PIK3CA: variants seen among roughly 807,000 people sequenced by gnomAD.
The protein encoded by PIK3CA is phosphatidylinositol-4,5-bisphosphate 3-kinase catalytic subunit alpha.
In PIK3CA, 27 loss-of-function variants were observed where a neutral mutation model predicts 138.2. The ratio of observed to expected loss-of-function variants is 0.20; its 90% CI spans 0.14 to 0.27. The LOEUF (loss-of-function observed/expected upper bound fraction) is 0.27. Ranked by LOEUF, PIK3CA falls within the 10% of genes least tolerant of loss-of-function variation. The pLI, the probability that PIK3CA is intolerant of heterozygous loss-of-function variation, is 1.00. For missense variants in PIK3CA, 544 were observed against 1,277.4 expected (o/e 0.43, Z 8.75); for synonymous variants, 358 against 413.2 (o/e 0.87, Z 1.62).
chr3:179,219,116 T>C lies in PIK3CA; in HGVS notation c.1665-80T>C. ...AGAAGTTTGGGACTTCTTAAGAAGA[T>C]TCATATGGAGAAGTTAGACATGTCA... On this transcript the variant is annotated intron_variant, in intron 10 of 20. Coordinates refer to ENST00000263967, the MANE Select transcript of PIK3CA (RefSeq NM_006218.4). The surrounding 1 kb of genome is among the most constrained non-coding windows in gnomAD (Gnocchi z 4.2). The C allele has an allele frequency of 2.6e-6, 2 of 780,990 alleles. No homozygotes were observed. The highest frequency in any genetic ancestry group is 4.3e-6 in the Non-Finnish European group (2 of 461,314). 48.4% of individuals were successfully genotyped at this position (780,990 alleles called of 1,614,324 possible).
intron 6 of PIK3CA, among the ~76,000 whole-genome samples, chr3:179,207,491 A>T (rs1039877880): frequency 1.3e-5 from 2 of 151,978 alleles, no homozygotes; most frequent in Admixed American, 1.3e-4. Flanking sequence ...ACTTCTAAAG[A>T]TTTAGGAATA....
chr3:179,150,255 C>T (rs140501532), intron 1 of PIK3CA, among the ~76,000 whole-genome samples: 1 of 149,606 alleles, frequency 6.7e-6, no homozygotes, highest in African/African-American at 2.4e-5. Flanking sequence ...AATAAAACTT[C>T]ATAGCTTTTT....
At chr3:179,213,408 A>G (rs552128221) in intron 9 of PIK3CA, among the ~76,000 whole-genome samples, 7 of 152,258 alleles carry the variant, frequency 4.6e-5, no homozygotes, top group East Asian at 1.9e-4. Flanking sequence ...ATATTGCTCA[A>G]AAATGCTGAT....
chr3:179,231,434 C>T (rs780421582), intron 20 of PIK3CA, among the ~76,000 whole-genome samples: 2 of 152,092 alleles, frequency 1.3e-5, no homozygotes, highest in Non-Finnish European at 2.9e-5. Flanking sequence ...TAAGCATTCT[C>T]ATTTCACCAC....
At position 179,155,694 on chromosome 3, in the gene PIK3CA, T is replaced by C. The variant is rs149894861; in HGVS notation, c.-77+7091T>C. On this transcript the variant is annotated intron_variant, in intron 1 of 20. Transcript: ENST00000263967. The stretch of plus-strand genomic sequence containing the variant: ...TTTATATAAGGGACTTGAACCTCTA[T>C]GGATTCTGGTATCCACAGGGGTCCT... Among the ~76,000 whole-genome samples, 503 of 152,366 alleles carry C rather than the reference T, an allele frequency of 3.3e-3. 7 individuals are homozygous for C. Among genetic ancestry groups the C allele is most frequent in the East Asian group, 0.029 (149 of 5,194 alleles).
intron 15 of PIK3CA, 131 bp from the exon 16 acceptor site, chr3:179,224,569 A>G (rs890851519): frequency 1.9e-6 from 1 of 538,778 alleles, no homozygotes; most frequent in Non-Finnish European, 3.0e-6. Context: ...TCCTAAATAA[A>G]AATTGAGGTG....
At chr3:179,191,662 G>T (rs1576928668) in intron 1 of PIK3CA, among the ~76,000 whole-genome samples, 2 of 152,246 alleles carry the variant, frequency 1.3e-5, no homozygotes, top group East Asian at 3.9e-4. Flanking sequence ...TTGAGATGGA[G>T]TTTCGCTCTT....
intron 1 of PIK3CA, among the ~76,000 whole-genome samples, chr3:179,170,102 C>T (rs1723522434): frequency 1.6e-5 from 2 of 126,782 alleles, no homozygotes; most frequent in South Asian, 5.2e-4. Context: ...ACACACACGA[C>T]CTTAGTAAAA....
chr3:179,148,151 T>TA (rs1235253125), upstream of PIK3CA: 1 of 149,270 alleles, frequency 6.7e-6, no homozygotes, highest in African/African-American at 2.5e-5. Flanking sequence ...CCTCAGCTCT[T>TA]ACCCTCTTCT....
intron 17 of PIK3CA, 67 bp from the exon 18 acceptor site, chr3:179,229,205 G>A (rs2108422220): frequency 2.4e-6 from 3 of 1,238,942 alleles, no homozygotes; most frequent in Non-Finnish European, 3.5e-6. Context: ...TCATGTTTTA[G>A]CCTGTTAAAA....
At chr3:179,189,635 G>A (rs1223330345) in intron 1 of PIK3CA, among the ~76,000 whole-genome samples, 1 of 151,598 alleles carries the variant, frequency 6.6e-6, no homozygotes, top group Non-Finnish European at 1.5e-5. Flanking sequence ...CCATTCATGG[G>A]CCTCATATTA....
intron 6 of PIK3CA, 53 bp from the exon 7 acceptor site, chr3:179,209,542 C>A: frequency 9.2e-7 from 1 of 1,084,484 alleles, no homozygotes; most frequent in Non-Finnish European, 1.4e-6. Flanking sequence ...CATTTATATA[C>A]TTTGATGAAG....
intron 9 of PIK3CA, among the ~76,000 whole-genome samples, chr3:179,216,614 A>G (rs898229776): frequency 6.6e-6 from 1 of 152,184 alleles, no homozygotes; most frequent in African/African-American, 2.4e-5. Flanking sequence ...TTCCTTCAAC[A>G]GTTATGAGCC....
chr3:179,186,386 T>G (rs189731476), intron 1 of PIK3CA, among the ~76,000 whole-genome samples: 6 of 152,332 alleles, frequency 3.9e-5, no homozygotes, highest in Non-Finnish European at 8.8e-5. Context: ...CAGAATGGTG[T>G]TAGCTTCATT....
intron 9 of PIK3CA, among the ~76,000 whole-genome samples, chr3:179,217,002 A>C (rs1431833610): frequency 6.6e-6 from 1 of 152,168 alleles, no homozygotes; most frequent in Non-Finnish European, 1.5e-5. Flanking sequence ...CTATCAATAA[A>C]AATAAAATCC....
chr3:179,179,734 A>G (rs1209758327), intron 1 of PIK3CA, among the ~76,000 whole-genome samples: 1 of 152,216 alleles, frequency 6.6e-6, no homozygotes, highest in Non-Finnish European at 1.5e-5. Context: ...TTTGGATAGG[A>G]AAAACATCTT....
At chr3:179,161,799 A>G (rs1723288683) in intron 1 of PIK3CA, among the ~76,000 whole-genome samples, 1 of 152,218 alleles carries the variant, frequency 6.6e-6, no homozygotes, top group South Asian at 2.1e-4. Flanking sequence ...ATACTGTTCT[A>G]ATATGACTCA....
intron 1 of PIK3CA, among the ~76,000 whole-genome samples, chr3:179,167,590 CCT>C (rs954359654): frequency 6.6e-6 from 1 of 151,966 alleles, no homozygotes; most frequent in African/African-American, 2.4e-5. Context: ...ATATTTAAAT[CCT>C]CTTTCTTTTT....
intron 7 of PIK3CA, 42 bp downstream of exon 7, chr3:179,209,742 A>C: frequency 8.9e-7 from 1 of 1,118,960 alleles, no homozygotes; most frequent in South Asian, 1.5e-5. Flanking sequence ...ACCTTTAAAA[A>C]CTCCTGATTA....
Sources: gnomAD v4.1 joint callset for allele counts (sites outside exome capture counted in the v4.1 genomes callset) on GRCh38, gnomAD v4.1.1 for gene constraint, Gnocchi (gnomAD v3.1) non-coding constraint, MANE v1.5 for transcripts, NCBI Gene and HGNC (gene_info 2026-07-23, HGNC 2026-07-21) for gene names.